The following CTSZ variants were observed in gnomAD, a reference collection of about 807,000 sequenced individuals.
CTSZ encodes carboxypeptidase LB.
CTSZ carries 39 observed loss-of-function variants against 32.4 expected under a neutral mutation model. The ratio of observed to expected loss-of-function variants is 1.20; its 90% CI spans 0.93 to 1.57. The LOEUF is 1.57. Among genes scored for constraint, CTSZ ranks in the 40% most tolerant of loss-of-function variants. The pLI is 0.00. For missense variants in CTSZ, 397 were observed against 419.6 expected (o/e 0.95, Z 0.47); for synonymous variants, 168 against 170.1 (o/e 0.99, Z 0.10).
chr20:59,003,409 TTACTCACA>T (rs2091897582), intron 2 of CTSZ, among the ~76,000 whole-genome samples: 1 of 152,226 alleles, frequency 6.6e-6, no homozygotes, highest in South Asian at 2.1e-4. Flanking sequence ...AACGGGCTTA[TTACTCACA>T]CTGTGGGCTA....
rs968723055 is a variant in CTSZ at position 59,001,384 on chromosome 20, G to C, written c.487+81C>G. On this transcript the variant is annotated intron_variant, in intron 3 of 5. Coordinates refer to ENST00000217131, the MANE Select transcript of CTSZ (RefSeq NM_001336.4). ...GCCAATGTGAGGAGCACGGGGTCAG[G>C]CTGGGTCCTCAGCCACGAAGGCCTG... 9 of 1,462,476 alleles carry C rather than the reference G, an allele frequency of 6.2e-6. No homozygotes were observed. The South Asian group carries it at 1.2e-4, about 19-fold the overall frequency. The allele number at this position is 1,462,476 out of a possible 1,614,324, so 90.6% of individuals were successfully genotyped here. A position where few individuals can be genotyped will look rare whatever the true frequency, so the allele number is the denominator to read the frequency against.
At chr20:58,997,775 C>G in intron 3 of CTSZ, 22 bp from the exon 4 acceptor site, 1 of 1,574,452 alleles carries the variant, frequency 6.4e-7, no homozygotes, top group Non-Finnish European at 8.6e-7. Flanking sequence ...CAAGAAAAGT[C>G]AGCATGAGGC....
intron 2 of CTSZ, among the ~76,000 whole-genome samples, chr20:59,005,565 G>A (rs1363708320): frequency 6.6e-6 from 1 of 152,212 alleles, no homozygotes; most frequent in Non-Finnish European, 1.5e-5. Context: ...GACCCATGAG[G>A]ACCAAGGCCA....
chr20:59,003,223 C>T (rs1352650274), intron 2 of CTSZ, among the ~76,000 whole-genome samples: 5 of 152,170 alleles, frequency 3.3e-5, no homozygotes, highest in Non-Finnish European at 2.9e-5. Context: ...CAACCCAACC[C>T]GGCGACAGCA....
chr20:59,004,497 G>GT lies in CTSZ; in HGVS notation c.307+1824dup, dbSNP rs1454495320. 6.6e-6 allele frequency among the ~76,000 whole-genome samples: 1 copy of GT among 152,106 alleles called. No individual in the cohort carries two copies. The highest frequency in any genetic ancestry group is 1.5e-5 in the Non-Finnish European group (1 of 68,010). Reference sequence around the variant, plus strand: ...AGAGGTGGGACTGAGGCTGGAGTGGGTTCAAGGGTAGAGAAGAGGAAGTGG... The same window carrying GT: ...AGAGGTGGGACTGAGGCTGGAGTGGGTTTCAAGGGTAGAGAAGAGGAAGTGG... On this transcript the variant is annotated intron_variant, in intron 2 of 5. Coordinates refer to ENST00000217131, the MANE Select transcript of CTSZ (RefSeq NM_001336.4). This position sits in a 1 kb window ranked among gnomAD's most constrained non-coding sequence, Gnocchi z 5.6.
At chr20:59,005,948 C>T in intron 2 of CTSZ, 1 of 210,824 alleles carries the variant, frequency 4.7e-6, no homozygotes, top group East Asian at 1.2e-4. Flanking sequence ...AAGCCCAGGA[C>T]AGGCTTTCAT....
In CTSZ at chr20:59,001,460, C is replaced by T. The variant is rs752851002; in HGVS notation, c.487+5G>A. 14 of 1,607,410 alleles carry T rather than the reference C, an allele frequency of 8.7e-6. No individual in the cohort carries two copies. In the South Asian group the frequency reaches 1.5e-4, roughly 18 times the overall value. ...GGTGGAGTGGGGGCACGGGCAGCAG[C>T]CTACCCTGGTCCTTGGCCTGGTAGT... On this transcript the variant is annotated splice_donor_5th_base_variant and intron_variant, in intron 3 of 5. Coordinates refer to ENST00000217131, the MANE Select transcript of CTSZ (RefSeq NM_001336.4).
chr20:59,006,927 G>C (rs1459617916), intron 1 of CTSZ, 59 bp downstream of exon 1: 6 of 1,326,246 alleles, frequency 4.5e-6, no homozygotes, highest in Non-Finnish European at 5.8e-6. Flanking sequence ...CAGAGCGCGC[G>C]CCTGGCCCGG....
chr20:58,997,599 T>C lies in CTSZ; in HGVS notation c.638+4A>G. On this transcript the variant is annotated splice_donor_region_variant and intron_variant, in intron 4 of 5. Transcript: ENST00000217131. ...CTCTCTTTGCCCGCGGGACCTCTCC[T>C]CACCTGATGGGACCATTTGCATAGA... The C allele has an allele frequency of 6.4e-7, 1 of 1,571,872 alleles. No individual in the cohort carries two copies. The highest frequency in any genetic ancestry group is 2.3e-5 in the East Asian group (1 of 43,270).
At chr20:58,995,797 C>T in intron 5 of CTSZ, 38 bp from the exon 6 acceptor site, 4 of 1,580,584 alleles carry the variant, frequency 2.5e-6, no homozygotes, top group African/African-American at 2.7e-5. Flanking sequence ...CCATCTGCAG[C>T]CGTCTCCCGC....
In CTSZ at chr20:59,006,325, C is replaced by T. The variant is rs1322885251; in HGVS notation, c.304G>A (p.Ala102Thr). Residue 102 changes from alanine (A) to threonine (T), a missense_variant, in exon 2 of 6, where the codon GCG becomes ACG. By Grantham distance (58) the Ala-to-Thr change is moderately conservative. Coordinates refer to ENST00000217131, the MANE Select transcript of CTSZ (RefSeq NM_001336.4). ...CAGTCAAAGGGCGGCCACTCACCCG[C>T]CATAGCGCTGGTGCTGGCGTGGGCC... ...CWAHASTSAMADRINIKRKGA... is the reference protein window; with the variant it reads ...CWAHASTSAMTDRINIKRKGA... 6.2e-7 allele frequency: 1 copy of T among 1,607,008 alleles called. No homozygotes were observed. Among genetic ancestry groups the T allele is most frequent in the Non-Finnish European group, 8.5e-7 (1 of 1,176,896 alleles).
chr20:58,996,450 C>T (rs953116369), intron 5 of CTSZ, 189 bp downstream of exon 5: 4 of 609,910 alleles, frequency 6.6e-6, no homozygotes, highest in South Asian at 1.9e-5. Context: ...CACAGGATGG[C>T]GGCAGCCGCG....
At chr20:59,001,167 T>C (rs1051250920) in intron 3 of CTSZ, among the ~76,000 whole-genome samples, 2 of 152,262 alleles carry the variant, frequency 1.3e-5, no homozygotes, top group East Asian at 3.9e-4. Flanking sequence ...AGCAGGCTTT[T>C]TCGTTGGGCT....
rs775730276 is a variant in CTSZ, at chr20:59,001,610, G to C, written c.342C>G (p.Pro114=). ...RINIKRKGAW[P]STLLSVQNVI... is the part of the protein sequence containing the mutation. ...CGTTCTGCACGGACAGGAGGGTGGA[G>C]GGCCACGCTCCCTTCCTCTTGATGT... Residue 114 remains proline (P), a synonymous_variant, in exon 3 of 6, where the codon CCC becomes CCG. Coordinates refer to ENST00000217131, the MANE Select transcript of CTSZ (RefSeq NM_001336.4). 1 of 1,614,156 alleles carries C rather than the reference G, an allele frequency of 6.2e-7. No homozygotes were observed. Among genetic ancestry groups the C allele is most frequent in the Admixed American group, 1.7e-5 (1 of 60,034 alleles).
At chr20:58,997,835 ACT>A (rs2091869131) in intron 3 of CTSZ, 82 bp from the exon 4 acceptor site, 3 of 1,298,464 alleles carry the variant, frequency 2.3e-6, no homozygotes, top group South Asian at 3.2e-5. Context: ...CCCACTCTCC[ACT>A]CTCATCATGC....
At chr20:58,996,601 T>C (rs1228609151) in intron 5 of CTSZ, 38 bp downstream of exon 5, 2 of 1,612,112 alleles carry the variant, frequency 1.2e-6, no homozygotes, top group African/African-American at 2.7e-5. Flanking sequence ...AGGACGTTTT[T>C]TTCTAGGAAT....
At position 58,995,578 on chromosome 20, in the gene CTSZ, A is replaced by G. The variant is rs571279081; in HGVS notation, c.*71T>C. On this transcript the variant is annotated 3_prime_UTR_variant, in exon 6 of 6. Coordinates refer to ENST00000217131, the MANE Select transcript of CTSZ (RefSeq NM_001336.4). ...GTTCCTGCCAGCCAGCCTGGCACACATAACCATAGGATCCCCTCTGGTCAT... is the reference window on the plus strand; with the variant it reads ...GTTCCTGCCAGCCAGCCTGGCACACGTAACCATAGGATCCCCTCTGGTCAT... 60 of 1,432,344 alleles carry G rather than the reference A, an allele frequency of 4.2e-5. No individual in the cohort carries two copies. Among genetic ancestry groups the G allele is most frequent in the South Asian group, 3.5e-4 (30 of 85,538 alleles). The allele number at this position is 1,432,344 out of a possible 1,614,324, so 88.7% of individuals were successfully genotyped here. A position where few individuals can be genotyped will look rare whatever the true frequency, so the allele number is the denominator to read the frequency against.
At chr20:59,003,690 T>G (rs551348746) in intron 2 of CTSZ, among the ~76,000 whole-genome samples, 1 of 152,050 alleles carries the variant, frequency 6.6e-6, no homozygotes, top group African/African-American at 2.4e-5. Context: ...TGAGGTGACA[T>G]CCATAGGAGG....
At chr20:58,998,533 C>T (rs1457638006) in intron 3 of CTSZ, among the ~76,000 whole-genome samples, 3 of 126,230 alleles carry the variant, frequency 2.4e-5, no homozygotes, top group African/African-American at 6.2e-5. Context: ...GCGACAAGAG[C>T]GAGACTCCGT....
Sources: gnomAD v4.1 joint callset for allele counts (sites outside exome capture counted in the v4.1 genomes callset) on GRCh38, gnomAD v4.1.1 for gene constraint, Gnocchi (gnomAD v3.1) non-coding constraint, MANE v1.5 for transcripts, NCBI Gene and HGNC (gene_info 2026-07-23, HGNC 2026-07-21) for gene names.